Variants in RIMS1 observed in about 807,000 individuals in gnomAD.
RIMS1 encodes the protein regulating synaptic membrane exocytosis protein 1.
In RIMS1, 83 loss-of-function variants were observed where a neutral mutation model predicts 214.1. The observed-to-expected ratio is 0.39, with a 90% CI of 0.32 to 0.47. The LOEUF (loss-of-function observed/expected upper bound fraction) is 0.47. Among genes scored for constraint, RIMS1 ranks in the 20% least tolerant of loss-of-function variants. The probability of loss-of-function intolerance (pLI) is 0.99; values close to 1 mark genes in which losing one functional copy is unlikely to be tolerated. For missense variants in RIMS1, 2,050 were observed against 2,161.8 expected (o/e 0.95, Z 1.03); for synonymous variants, 793 against 786.8 (o/e 1.01, Z -0.13).
At chr6:72,303,026 C>T (rs939266180) in intron 26 of RIMS1, among the ~76,000 whole-genome samples, 4 of 150,350 alleles carry the variant, frequency 2.7e-5, no homozygotes, top group African/African-American at 9.7e-5. Flanking sequence ...ATTTTGAGAT[C>T]CAAACAAATT....
chr6:72,242,214 AT>A, intron 9 of RIMS1, 99 bp from the exon 10 acceptor site: 1 of 934,548 alleles, frequency 1.1e-6, no homozygotes, highest in Non-Finnish European at 1.6e-6. Flanking sequence ...CAATTAAACT[AT>A]TTGTATATGT....
chr6:72,342,393 T>C (rs1308618369), intron 29 of RIMS1, among the ~76,000 whole-genome samples: 2 of 151,754 alleles, frequency 1.3e-5, no homozygotes, highest in African/African-American at 2.4e-5. Context: ...AGGTCTACAA[T>C]GGGTTAGAGT....
In RIMS1 at chr6:71,987,285, A is replaced by C. The variant is rs530974896; in HGVS notation, c.245+18222A>C. 9.7e-4 allele frequency among the ~76,000 whole-genome samples: 147 copies of C among 152,316 alleles called. 1 individual carries two copies. The highest frequency in any genetic ancestry group is 3.2e-3 in the African/African-American group (132 of 41,570). On this transcript the variant is annotated intron_variant, in intron 2 of 33. Coordinates refer to ENST00000521978, the MANE Select transcript of RIMS1 (RefSeq NM_014989.7). The stretch of plus-strand genomic sequence containing the variant: ...CTTTAAAAGCAGACATTTATTTCTC[A>C]TAGTTCTGGAGGCTGAAAGTCTGAG...
In RIMS1 at chr6:72,274,667, C is replaced by G. The variant is rs143432275; in HGVS notation, c.3482+235C>G. Among the ~76,000 whole-genome samples the G allele has an allele frequency of 3.3e-5, 5 of 152,232 alleles. No homozygotes were observed. The East Asian group carries it at 9.7e-4, about 29-fold the overall frequency. On this transcript the variant is annotated intron_variant, in intron 23 of 33. Transcript: ENST00000521978. ...AGTCAGGATCCATTGAAAGGATGTTCTGTTTTGAAGAGCATTTGATTGTGT... is the reference window on the plus strand; with the variant it reads ...AGTCAGGATCCATTGAAAGGATGTTGTGTTTTGAAGAGCATTTGATTGTGT...
rs1288249595 is a variant in RIMS1 at position 72,366,133 on chromosome 6, C to G, written c.4367-24465C>G. Among the ~76,000 whole-genome samples the G allele has an allele frequency of 3.3e-5, 5 of 152,210 alleles. No homozygotes were observed. In the East Asian group the frequency reaches 9.7e-4, roughly 29 times the overall value. ...TAGAACCTTTTTTTTCTAAGTTTTT[C>G]TATTTCCAGTGTTCTAGTGTTTTTC... On this transcript the variant is annotated intron_variant, in intron 29 of 33. Coordinates refer to ENST00000521978, the MANE Select transcript of RIMS1 (RefSeq NM_014989.7).
At chr6:71,979,260 G>C (rs561599230) in intron 2 of RIMS1, among the ~76,000 whole-genome samples, 1 of 152,070 alleles carries the variant, frequency 6.6e-6, no homozygotes, top group South Asian at 2.1e-4. Context: ...AGCCCAAGCA[G>C]ACTTTTGATT....
intron 4 of RIMS1, among the ~76,000 whole-genome samples, chr6:72,107,705 T>C (rs1167713537): frequency 2.0e-5 from 3 of 152,208 alleles, no homozygotes; most frequent in African/African-American, 7.2e-5. Context: ...TAAGGGGTTA[T>C]GAGAAGACAT....
intron 2 of RIMS1, among the ~76,000 whole-genome samples, chr6:72,081,049 C>T (rs866664337): frequency 6.6e-5 from 10 of 152,084 alleles, no homozygotes; most frequent in Non-Finnish European, 1.3e-4. Flanking sequence ...ACACAGGGTA[C>T]GTTTCCTGGG....
intron 2 of RIMS1, among the ~76,000 whole-genome samples, chr6:72,005,724 A>T (rs1807272236): frequency 1.3e-5 from 2 of 152,226 alleles, no homozygotes; most frequent in South Asian, 4.1e-4. Flanking sequence ...ACTAAAAAAC[A>T]TGCTGGATGG....
At chr6:72,173,967 G>T (rs1361480768) in intron 4 of RIMS1, among the ~76,000 whole-genome samples, 1 of 130,736 alleles carries the variant, frequency 7.6e-6, no homozygotes, top group Non-Finnish European at 1.6e-5. Context: ...TGGTCATTCT[G>T]CATATGGAAA....
intron 27 of RIMS1, among the ~76,000 whole-genome samples, chr6:72,312,640 T>C (rs1282008560): frequency 1.3e-5 from 2 of 152,122 alleles, no homozygotes; most frequent in African/African-American, 4.8e-5. Flanking sequence ...TTAATAAGGA[T>C]CCAGTATTCT....
At chr6:71,955,916 G>C (rs1791121675) in intron 1 of RIMS1, among the ~76,000 whole-genome samples, 1 of 152,118 alleles carries the variant, frequency 6.6e-6, no homozygotes, top group Non-Finnish European at 1.5e-5. Context: ...AATTGATAAA[G>C]ACAGTGTCAC....
intron 29 of RIMS1, among the ~76,000 whole-genome samples, chr6:72,382,552 A>G (rs951025868): frequency 2.0e-5 from 3 of 152,240 alleles, no homozygotes; most frequent in Non-Finnish European, 2.9e-5. Flanking sequence ...AAGGAAGACC[A>G]GGACCTTGAG....
intron 1 of RIMS1, among the ~76,000 whole-genome samples, chr6:71,891,473 C>T (rs996985445): frequency 4.6e-5 from 7 of 152,202 alleles, no homozygotes; most frequent in African/African-American, 1.7e-4. Context: ...ATTCCTGTAA[C>T]TTCAGCTTTC....
intron 2 of RIMS1, among the ~76,000 whole-genome samples, chr6:72,011,752 G>C (rs1810701390): frequency 6.6e-6 from 1 of 152,210 alleles, no homozygotes; most frequent in African/African-American, 2.4e-5. Flanking sequence ...CTGACCATCA[G>C]AGAAATGCAA....
intron 2 of RIMS1, among the ~76,000 whole-genome samples, chr6:72,030,986 C>G (rs561039005): frequency 2.6e-5 from 4 of 152,266 alleles, no homozygotes; most frequent in African/African-American, 9.6e-5. Flanking sequence ...CCATCCCTTT[C>G]TAACAAATCT....
intron 1 of RIMS1, among the ~76,000 whole-genome samples, chr6:71,899,042 T>C (rs188178676): frequency 1.3e-5 from 2 of 152,262 alleles, no homozygotes; most frequent in African/African-American, 4.8e-5. Context: ...GTAAATAATA[T>C]ATAAGTAAAT....
chr6:71,891,492 TTTAC>T (rs754334709), intron 1 of RIMS1, among the ~76,000 whole-genome samples: 1 of 152,192 alleles, frequency 6.6e-6, no homozygotes, highest in Non-Finnish European at 1.5e-5. Flanking sequence ...TCCTCCTCCT[TTTAC>T]TTACTTTACA....
At chr6:71,927,216 C>A (rs894220056) in intron 1 of RIMS1, among the ~76,000 whole-genome samples, 2 of 152,158 alleles carry the variant, frequency 1.3e-5, no homozygotes, top group African/African-American at 4.8e-5. Flanking sequence ...ACTCTACTCT[C>A]TTCAGCAACC....
Sources: allele counts gnomAD v4.1 joint callset (sites outside exome capture counted in the v4.1 genomes callset), GRCh38; gene constraint gnomAD v4.1.1; transcripts MANE v1.5; gene names NCBI Gene and HGNC (gene_info 2026-07-23, HGNC 2026-07-21).